The following DIAPH2 variants were observed in gnomAD, a reference collection of about 807,000 sequenced individuals.
DIAPH2 encodes diaphanous related formin 2.
DIAPH2 carries 35 observed loss-of-function variants against 92.7 expected under a neutral mutation model. That is an observed-to-expected ratio of 0.38 (90% CI 0.29 to 0.50). The LOEUF (loss-of-function observed/expected upper bound fraction) is 0.50. Among genes scored for constraint, DIAPH2 ranks in the 20% least tolerant of loss-of-function variants. DIAPH2 has a pLI of 0.94. For synonymous variants in DIAPH2, 301 were observed against 280.4 expected, an observed-to-expected ratio of 1.07 and a Z score of -0.73; for missense variants, 701 against 819.5, an observed-to-expected ratio of 0.86 and a Z score of 1.77.
At chrX:96,991,811 T>C (rs1468578511) in intron 17 of DIAPH2, among the ~76,000 whole-genome samples, 1 of 111,106 alleles carries the variant, frequency 9.0e-6, no homozygotes, top group Non-Finnish European at 1.9e-5. Flanking sequence ...TGAACACATA[T>C]ATAACTAACA....
At chrX:97,417,334 G>A (rs1034668169) in intron 25 of DIAPH2, among the ~76,000 whole-genome samples, 4 of 110,080 alleles carry the variant, frequency 3.6e-5, no homozygotes, top group Admixed American at 1.9e-4. Context: ...GGACACATAA[G>A]TTTGCAGCAG....
intron 21 of DIAPH2, among the ~76,000 whole-genome samples, chrX:97,123,657 C>T (rs1201728408): frequency 8.9e-6 from 1 of 112,107 alleles, no homozygotes; most frequent in African/African-American, 3.2e-5. Context: ...AAATCCAATC[C>T]AAAGTCCTCA....
intron 26 of DIAPH2, among the ~76,000 whole-genome samples, chrX:97,447,660 G>T (rs954125633): frequency 8.9e-6 from 1 of 111,917 alleles, no homozygotes. Flanking sequence ...AGCTCTGTAT[G>T]TAACAGGGAA....
At chrX:96,962,496 C>T (rs373775676) in intron 16 of DIAPH2, among the ~76,000 whole-genome samples, 674 of 44,689 alleles carry the variant, frequency 0.015, 51 homozygotes, top group African/African-American at 0.033. Context: ...CACACACACA[C>T]ATATATATAT....
chrX:96,753,826 A>G (rs765531100), intron 3 of DIAPH2, among the ~76,000 whole-genome samples: 1 of 112,244 alleles, frequency 8.9e-6, no homozygotes, highest in Non-Finnish European at 1.9e-5. Context: ...TTTGATCAAA[A>G]TGTCTTAATG....
At chrX:97,223,197 T>G (rs2067939464) in intron 22 of DIAPH2, among the ~76,000 whole-genome samples, 1 of 111,312 alleles carries the variant, frequency 9.0e-6, no homozygotes, top group South Asian at 3.8e-4. Context: ...CCAAAGCAAA[T>G]TTTCCTTTTT....
At chrX:97,045,993 A>G (rs146607951) in intron 17 of DIAPH2, among the ~76,000 whole-genome samples, 2 of 106,634 alleles carry the variant, frequency 1.9e-5, no homozygotes, top group South Asian at 4.3e-4. Context: ...AGCTGGGACT[A>G]CTACAGGTGC....
chrX:97,553,681 AAAAAG>A (rs1276863117), intron 26 of DIAPH2, among the ~76,000 whole-genome samples: 3 of 109,525 alleles, frequency 2.7e-5, no homozygotes, highest in Admixed American at 9.8e-5. Flanking sequence ...AAAAAAAAAA[AAAAAG>A]AAGAAGAAGA....
In DIAPH2 at chrX:97,016,591, CT is replaced by C. The variant is rs35277653; in HGVS notation, c.2050+51390del. ...CTGACATGTCAGGATATGGAAAGTCCTTTTTTCCCCCCTTAATAGTTTGAGA... is the reference window on the plus strand; with the variant it reads ...CTGACATGTCAGGATATGGAAAGTCCTTTTTCCCCCCTTAATAGTTTGAGA... On this transcript the variant is annotated intron_variant, in intron 17 of 26. Coordinates refer to ENST00000324765, the MANE Select transcript of DIAPH2 (RefSeq NM_006729.5). 8.1e-5 allele frequency among the ~76,000 whole-genome samples: 9 copies of C among 111,483 alleles called. No individual in the cohort carries two copies. In the South Asian group the frequency reaches 3.4e-3, roughly 42 times the overall value.
intron 23 of DIAPH2, among the ~76,000 whole-genome samples, chrX:97,254,684 CTTTAT>C (rs933240654): frequency 2.8e-5 from 3 of 108,773 alleles, no homozygotes; most frequent in African/African-American, 1.0e-4. Context: ...CTATTACTAA[CTTTAT>C]TTTATTTTAT....
chrX:97,572,097 T>A (rs202056654), intron 26 of DIAPH2, among the ~76,000 whole-genome samples: 1 of 96,613 alleles, frequency 1.0e-5, no homozygotes, highest in African/African-American at 3.7e-5. Flanking sequence ...TTTTTTTTTT[T>A]AAGGAATCAG....
intron 22 of DIAPH2, 134 bp downstream of exon 22, chrX:97,141,928 T>C: frequency 1.4e-6 from 1 of 723,411 alleles, no homozygotes; most frequent in Non-Finnish European, 2.0e-6. Context: ...AGGAAAATAG[T>C]TTCCATTAGC....
chrX:97,001,807 A>G (rs1392819811), intron 17 of DIAPH2, among the ~76,000 whole-genome samples: 1 of 111,685 alleles, frequency 9.0e-6, no homozygotes, highest in Non-Finnish European at 1.9e-5. Flanking sequence ...ATTGTAGATT[A>G]TATCTGTAGC....
chrX:97,416,881 C>T (rs186239714), intron 25 of DIAPH2, among the ~76,000 whole-genome samples: 224 of 112,426 alleles, frequency 2.0e-3, no homozygotes, highest in Non-Finnish European at 1.7e-3. Context: ...CTCCTTCTTC[C>T]CTGCCCCAAG....
At chrX:97,527,531 T>C (rs899293969) in intron 26 of DIAPH2, among the ~76,000 whole-genome samples, 8 of 112,296 alleles carry the variant, frequency 7.1e-5, no homozygotes, top group Non-Finnish European at 1.5e-4. Flanking sequence ...AGATGTCAGT[T>C]GTTTGGAATC....
At chrX:97,448,486 C>T (rs2070331506) in intron 26 of DIAPH2, among the ~76,000 whole-genome samples, 1 of 111,735 alleles carries the variant, frequency 8.9e-6, no homozygotes, top group Non-Finnish European at 1.9e-5. Context: ...GCCACTTAAG[C>T]GTTAATAGAG....
intron 26 of DIAPH2, among the ~76,000 whole-genome samples, chrX:97,479,087 C>A (rs1297361779): frequency 9.0e-6 from 1 of 111,188 alleles, no homozygotes; most frequent in Non-Finnish European, 1.9e-5. Context: ...CTTTTTTTCC[C>A]TTCAAAATCA....
At chrX:96,967,411 C>G (rs996481264) in intron 17 of DIAPH2, among the ~76,000 whole-genome samples, 22 of 110,150 alleles carry the variant, frequency 2.0e-4, no homozygotes, top group African/African-American at 6.9e-4. Context: ...TTCATTCATT[C>G]ATTCATTCAT....
chrX:96,839,432 A>G (rs2081349072), intron 4 of DIAPH2, among the ~76,000 whole-genome samples: 1 of 111,513 alleles, frequency 9.0e-6, no homozygotes, highest in Non-Finnish European at 1.9e-5. Context: ...GAAATAAAAT[A>G]TTATAGAGAA....
Sources: allele counts gnomAD v4.1 joint callset (sites outside exome capture counted in the v4.1 genomes callset), GRCh38; gene constraint gnomAD v4.1.1; transcripts MANE v1.5; gene names NCBI Gene and HGNC (gene_info 2026-07-23, HGNC 2026-07-21).